Variants in IL17RD observed in about 807,000 individuals in gnomAD.
The protein encoded by IL17RD is interleukin 17 receptor D.
A neutral mutation model predicts 80.5 loss-of-function variants in IL17RD; 52 were observed. That is an observed-to-expected ratio of 0.65 (90% CI 0.52 to 0.81). The LOEUF (loss-of-function observed/expected upper bound fraction) is 0.81, where lower values mean the gene tolerates loss of function less well. Ranked by LOEUF, IL17RD falls within the 40% of genes least tolerant of loss-of-function variation. The pLI is 0.00. For synonymous variants in IL17RD, 416 were observed against 391.8 expected (o/e 1.06, Z -0.73); for missense variants, 1,024 against 955.1 (o/e 1.07, Z -0.95).
intron 1 of IL17RD, among the ~76,000 whole-genome samples, chr3:57,124,279 T>C (rs1707401968): frequency 6.6e-6 from 1 of 152,180 alleles, no homozygotes; most frequent in Non-Finnish European, 1.5e-5. Flanking sequence ...CCCTTAAACG[T>C]GTCCACATTC....
intron 10 of IL17RD, 64 bp from the exon 11 acceptor site, chr3:57,101,427 T>A (rs1257280251): frequency 2.7e-6 from 3 of 1,123,806 alleles, no homozygotes; most frequent in Non-Finnish European, 3.8e-6. Flanking sequence ...TTCCTAAGAA[T>A]TGAAACCCAG....
At position 57,096,510 on chromosome 3, in the gene IL17RD, G is replaced by A. The variant is rs199868028; in HGVS notation, c.2108-5C>T. The A allele has an allele frequency of 1.3e-6, 2 of 1,580,472 alleles. No individual in the cohort carries two copies. The highest frequency in any genetic ancestry group is 1.3e-5 in the African/African-American group (1 of 74,350). ...GGGCAGGAGGTTCCTCCTCACCTAA[G>A]GAGAGAAGAGAGTACAGAGTCACAC... On this transcript the variant is annotated splice_region_variant and splice_polypyrimidine_tract_variant and intron_variant, in intron 12 of 12. Transcript: ENST00000296318.
chr3:57,167,917 G>A (rs1168059745), upstream of IL17RD, among the ~76,000 whole-genome samples: 3 of 152,010 alleles, frequency 2.0e-5, no homozygotes, highest in East Asian at 1.9e-4. Flanking sequence ...TGCAACCTCC[G>A]CTTCCCAGGT....
chr3:57,096,980 G>A (rs1487604263), intron 12 of IL17RD, among the ~76,000 whole-genome samples: 1 of 151,046 alleles, frequency 6.6e-6, no homozygotes, highest in Non-Finnish European at 1.5e-5. Flanking sequence ...ATTGCAGCCT[G>A]GGCGACAGGG....
intron 1 of IL17RD, among the ~76,000 whole-genome samples, chr3:57,154,285 C>T (rs35413969): frequency 0.044 from 4,591 of 104,012 alleles, 243 homozygotes; most frequent in African/African-American, 0.14. Context: ...TATATATATA[C>T]ACACACACAC....
chr3:57,096,132 G>T lies in IL17RD; in HGVS notation c.*261C>A, dbSNP rs1252831728. 6.5e-6 allele frequency: 3 copies of T among 463,320 alleles called. No homozygotes were observed. Among genetic ancestry groups the T allele is most frequent in the African/African-American group, 2.0e-5 (1 of 51,236 alleles). The allele number at this position is 463,320 out of a possible 1,614,324, so 28.7% of individuals were successfully genotyped here. On this transcript the variant is annotated 3_prime_UTR_variant, in exon 13 of 13. Coordinates refer to ENST00000296318, the MANE Select transcript of IL17RD (RefSeq NM_017563.5). Reference sequence around the variant, plus strand: ...CTCCCACAACAGGCTCTGATCCAAGGACTAACCAAATTTGGCAAGCTGTTG... The same window carrying T: ...CTCCCACAACAGGCTCTGATCCAAGTACTAACCAAATTTGGCAAGCTGTTG...
chr3:57,117,293 T>C (rs1244976937), intron 2 of IL17RD, among the ~76,000 whole-genome samples: 28 of 152,132 alleles, frequency 1.8e-4, no homozygotes, highest in Admixed American at 1.8e-3. Flanking sequence ...TTTGTATTTT[T>C]AGTAGAGACA....
In IL17RD at chr3:57,117,113, A is replaced by ATT. The variant is rs11422909; in HGVS notation, c.185-2298_185-2297dup. On this transcript the variant is annotated intron_variant, in intron 2 of 12. Transcript: ENST00000296318. The stretch of plus-strand genomic sequence containing the variant: ...TAGTTATGCAATATAAAGTTTAAGA[A>ATT]TTTTTTTTTTTTTTTTTTGAGACAG... Among the ~76,000 whole-genome samples, 1,077 of 136,108 alleles carry ATT rather than the reference A, an allele frequency of 7.9e-3. 30 individuals carry two copies. The highest frequency in any genetic ancestry group is 0.036 in the South Asian group (157 of 4,340). The allele number at this position is 136,108 out of a possible 152,430, so 89.3% of individuals were successfully genotyped here.
rs1477821981 is a variant in IL17RD, at chr3:57,093,524, G to A, written c.*2869C>T. 6.6e-6 allele frequency: 1 copy of A among 152,162 alleles called. No individual in the cohort carries two copies. Among genetic ancestry groups the A allele is most frequent in the Non-Finnish European group, 1.5e-5 (1 of 68,032 alleles). The allele number at this position is 152,162 out of a possible 1,614,324, so 9.4% of individuals were successfully genotyped here. ...ATCATGTAACCCCACATTTTTTGAAGGACAGTCTTCCTGCTTATTTGCACT... is the reference window on the plus strand; with the variant it reads ...ATCATGTAACCCCACATTTTTTGAAAGACAGTCTTCCTGCTTATTTGCACT... On this transcript the variant is annotated 3_prime_UTR_variant, in exon 13 of 13. Coordinates refer to ENST00000296318, the MANE Select transcript of IL17RD (RefSeq NM_017563.5).
At chr3:57,127,391 A>AAT (rs1482406097) in intron 1 of IL17RD, among the ~76,000 whole-genome samples, 1 of 79,480 alleles carries the variant, frequency 1.3e-5, no homozygotes, top group Admixed American at 1.9e-4. Context: ...TAAATAAATA[A>AAT]ATAAATATAT....
chr3:57,097,430 G>C (rs942961331), intron 12 of IL17RD, 166 bp downstream of exon 12: 4 of 627,162 alleles, frequency 6.4e-6, no homozygotes, highest in Non-Finnish European at 1.1e-5. Context: ...AAACATGTGA[G>C]TACTCCCATC....
At chr3:57,109,743 C>G (rs924654151) in intron 4 of IL17RD, 86 bp from the exon 5 acceptor site, 8 of 1,337,470 alleles carry the variant, frequency 6.0e-6, no homozygotes, top group Non-Finnish European at 8.2e-6. Flanking sequence ...ACCCCAACTG[C>G]CACCCAGACA....
In IL17RD at chr3:57,097,756, C is replaced by T. The variant is rs779308038; in HGVS notation, c.1947G>A (p.Thr649=). 1 of 1,602,128 alleles carries T rather than the reference C, an allele frequency of 6.2e-7. No individual in the cohort carries two copies. The highest frequency in any genetic ancestry group is 1.1e-5 in the South Asian group (1 of 89,138). The change falls in exon 12 of 13, where the codon ACG becomes ACA. Residue 649 remains threonine (T), a synonymous_variant. Coordinates refer to ENST00000296318, the MANE Select transcript of IL17RD (RefSeq NM_017563.5). ...TGTCCGAGGGGCTGCCGGCTTTCAC[C>T]GTGTGCAGCAGGGGTTGCAGGGCGG... ...GSAALQPLLH[T]VKAGSPSDMP...
intron 1 of IL17RD, among the ~76,000 whole-genome samples, chr3:57,131,880 T>C (rs1158447737): frequency 6.6e-6 from 1 of 152,206 alleles, no homozygotes; most frequent in Non-Finnish European, 1.5e-5. Flanking sequence ...GTGGTTTTAC[T>C]TCGGTGATTA....
intron 7 of IL17RD, among the ~76,000 whole-genome samples, chr3:57,105,361 A>G (rs528866274): frequency 6.6e-6 from 1 of 151,312 alleles, no homozygotes; most frequent in Non-Finnish European, 1.5e-5. Context: ...AACATGGTGA[A>G]CCCCGTCTCT....
At chr3:57,135,840 G>A (rs1021209982) in intron 1 of IL17RD, among the ~76,000 whole-genome samples, 2 of 152,080 alleles carry the variant, frequency 1.3e-5, no homozygotes, top group Non-Finnish European at 2.9e-5. Context: ...AGCAGGCCCC[G>A]TCACCTGCTC....
In IL17RD at chr3:57,143,342, TGACAATCTCAACAAAGGCTAC is replaced by T. The variant is rs570353412; in HGVS notation, c.126+21798_126+21818del. ...GGAGGGACCTATCTCCACTCTACCT[TGACAATCTCAACAAAGGCTAC>T]GACAATCTCAACAAAGGCTACGTCA... On this transcript the variant is annotated intron_variant, in intron 1 of 12. Transcript: ENST00000296318. Among the ~76,000 whole-genome samples, 58 of 152,216 alleles carry T rather than the reference TGACAATCTCAACAAAGGCTAC, an allele frequency of 3.8e-4. No homozygotes were observed. In the East Asian group the frequency reaches 9.5e-3, roughly 25 times the overall value.
intron 1 of IL17RD, among the ~76,000 whole-genome samples, chr3:57,157,928 G>A (rs1319228446): frequency 1.3e-5 from 2 of 151,990 alleles, no homozygotes; most frequent in African/African-American, 4.8e-5. Context: ...TCAATGGGGG[G>A]AAAAGATCTA....
chr3:57,134,887 T>C (rs1009065892), intron 1 of IL17RD, among the ~76,000 whole-genome samples: 8 of 152,162 alleles, frequency 5.3e-5, no homozygotes, highest in African/African-American at 1.9e-4. Context: ...AGGGGGATTA[T>C]TGAGCCCCAG....
Sources: allele counts gnomAD v4.1 joint callset (sites outside exome capture counted in the v4.1 genomes callset), GRCh38; gene constraint gnomAD v4.1.1; transcripts MANE v1.5; gene names NCBI Gene and HGNC (gene_info 2026-07-23, HGNC 2026-07-21).